Variants in TENM1 observed in about 807,000 individuals in gnomAD.
TENM1 encodes the protein teneurin transmembrane protein 1.
In TENM1, 35 loss-of-function variants were observed where a neutral mutation model predicts 174.8. That is an observed-to-expected ratio of 0.20 (90% CI 0.15 to 0.27). The LOEUF is 0.27. TENM1 is among the 10% of genes least tolerant of loss of function. The pLI, the probability that TENM1 is intolerant of heterozygous loss-of-function variation, is 1.00. For synonymous variants in TENM1, 781 were observed against 798.7 expected, an observed-to-expected ratio of 0.98 and a Z score of 0.37; for missense variants, 1,633 against 2,130.1, an observed-to-expected ratio of 0.77 and a Z score of 4.59.
intron 25 of TENM1, among the ~76,000 whole-genome samples, chrX:124,418,878 T>G (rs1159396606): frequency 8.9e-6 from 1 of 112,008 alleles, no homozygotes. Flanking sequence ...CTAAGGGTAG[T>G]ATATTTAAAA....
At chrX:124,886,314 G>A (rs977907919) in intron 3 of TENM1, among the ~76,000 whole-genome samples, 4 of 109,235 alleles carry the variant, frequency 3.7e-5, no homozygotes, top group South Asian at 3.8e-4. Flanking sequence ...TAATAGCTAC[G>A]TTATTTGTAC....
the TENM1 span, among the ~76,000 whole-genome samples, chrX:125,187,386 A>C: frequency 8.9e-6 from 1 of 112,468 alleles, no homozygotes; most frequent in Admixed American, 9.4e-5. Context: ...GTTATTTTAC[A>C]TTTAAACATT....
At chrX:125,004,598 CT>C in the TENM1 span, among the ~76,000 whole-genome samples, 1 of 111,948 alleles carries the variant, frequency 8.9e-6, no homozygotes, top group East Asian at 2.8e-4. Flanking sequence ...ATTTTTAAAA[CT>C]TTTTACTTTG....
At chrX:124,562,441 A>G (rs1257436138) in intron 13 of TENM1, among the ~76,000 whole-genome samples, 1 of 112,591 alleles carries the variant, frequency 8.9e-6, no homozygotes, top group Non-Finnish European at 1.9e-5. Flanking sequence ...TATCTCTCTC[A>G]AAAGCTTGCA....
intron 4 of TENM1, among the ~76,000 whole-genome samples, chrX:124,714,957 T>C (rs1448638374): frequency 8.9e-6 from 1 of 111,966 alleles, no homozygotes; most frequent in African/African-American, 3.2e-5. Context: ...CCAACTTTAA[T>C]TTAAAATTTG....
chrX:124,840,275 T>C (rs1037772959), intron 3 of TENM1, among the ~76,000 whole-genome samples: 2 of 111,599 alleles, frequency 1.8e-5, no homozygotes, highest in African/African-American at 3.3e-5. Context: ...ACCCATCAAC[T>C]AAAGTCTCTT....
intron 1 of TENM1, among the ~76,000 whole-genome samples, chrX:124,927,367 T>C (rs1476965387): frequency 7.2e-5 from 8 of 111,544 alleles, no homozygotes; most frequent in Non-Finnish European, 1.5e-4. Context: ...AAAACTAGCC[T>C]GTCCTGGGCC....
exon 11 of TENM1, chrX:124,641,973 A>G (rs1409650148): frequency 1.7e-6 from 2 of 1,209,772 alleles, no homozygotes; most frequent in East Asian, 5.9e-5. Flanking sequence ...GTTGGAACAC[A>G]TTGGGTCTAG....
chrX:124,577,929 A>AT (rs1176852671), intron 11 of TENM1, among the ~76,000 whole-genome samples: 2,729 of 99,135 alleles, frequency 0.028, 78 homozygotes, highest in African/African-American at 0.074. Context: ...TGATTTCACT[A>AT]TTTTTTTTTT....
At chrX:124,965,076 T>C (rs986782449), upstream of TENM1, among the ~76,000 whole-genome samples, 1 of 111,536 alleles carries the variant, frequency 9.0e-6, no homozygotes, top group Admixed American at 9.5e-5. Flanking sequence ...ATTTGATTGA[T>C]TGATTGATTG....
chrX:125,171,336 C>T, the TENM1 span, among the ~76,000 whole-genome samples: 2 of 110,470 alleles, frequency 1.8e-5, no homozygotes, highest in South Asian at 7.7e-4. Flanking sequence ...AATTATACCC[C>T]GAGATCTAAA....
intron 1 of TENM1, among the ~76,000 whole-genome samples, chrX:124,927,275 G>A (rs1352919077): frequency 9.0e-6 from 1 of 111,423 alleles, no homozygotes; most frequent in Admixed American, 9.5e-5. Context: ...TATATTCACA[G>A]GACCTATTGA....
intron 3 of TENM1, among the ~76,000 whole-genome samples, chrX:124,862,606 C>A (rs1056963033): frequency 1.8e-5 from 2 of 111,329 alleles, no homozygotes; most frequent in Admixed American, 1.9e-4. Flanking sequence ...TCACTGATCT[C>A]AGAGGTCCAA....
the TENM1 span, among the ~76,000 whole-genome samples, chrX:125,138,493 T>G: frequency 8.9e-6 from 1 of 111,773 alleles, no homozygotes; most frequent in Admixed American, 9.5e-5. Flanking sequence ...GGGATTCATT[T>G]CCACTTGTTT....
At chrX:125,031,554 G>A in the TENM1 span, among the ~76,000 whole-genome samples, 499 of 111,849 alleles carry the variant, frequency 4.5e-3, 2 homozygotes, top group Non-Finnish European at 6.9e-3. Context: ...GTGCAGATTC[G>A]TTACATAGGT....
chrX:125,060,159 CCT>C, the TENM1 span, among the ~76,000 whole-genome samples: 148 of 96,604 alleles, frequency 1.5e-3, no homozygotes, highest in South Asian at 0.02. Flanking sequence ...CTCTCTCTCT[CCT>C]CTCTCTCTCT....
chrX:124,626,711 G>A (rs989501499), intron 11 of TENM1, among the ~76,000 whole-genome samples: 22 of 112,045 alleles, frequency 2.0e-4, no homozygotes, highest in African/African-American at 5.5e-4. Context: ...TCAGAATGGT[G>A]GTGGATCCTA....
At chrX:125,006,364 G>A in the TENM1 span, among the ~76,000 whole-genome samples, 1 of 112,037 alleles carries the variant, frequency 8.9e-6, no homozygotes, top group Non-Finnish European at 1.9e-5. Context: ...AGCAGCTCCA[G>A]TGAGGGGCTT....
the TENM1 span, among the ~76,000 whole-genome samples, chrX:124,977,961 TGTGTGTGAGAGAGAGAGAGAGAGAGA>T: frequency 5.9e-4 from 32 of 54,476 alleles, no homozygotes; most frequent in African/African-American, 2.2e-3. Flanking sequence ...TGTGTGTGTG[TGTGTGTGAGAGAGAGAGAGAGAGAGA>T]GAGAGAGAGA....
Sources: allele counts gnomAD v4.1 joint callset (sites outside exome capture counted in the v4.1 genomes callset), GRCh38; gene constraint gnomAD v4.1.1; transcripts MANE v1.5; gene names NCBI Gene and HGNC (gene_info 2026-07-23, HGNC 2026-07-21).